NAB2: variants seen among roughly 807,000 people sequenced by gnomAD.
NAB2 encodes NGFI-A binding protein 2, also known as NGFI-A-binding protein 2.
NAB2 carries 9 observed loss-of-function variants against 44.2 expected under a neutral mutation model. The ratio of observed to expected loss-of-function variants is 0.20; its 90% CI spans 0.12 to 0.36. The LOEUF is 0.36. Among genes scored for constraint, NAB2 ranks in the 10% least tolerant of loss-of-function variants. NAB2 has a pLI of 1.00. For missense variants in NAB2, 514 were observed against 709.0 expected (o/e 0.73, Z 3.12); for synonymous variants, 342 against 291.0 (o/e 1.18, Z -1.78).
chr12:57,090,770 G>C (rs527677793), intron 1 of NAB2, among the ~76,000 whole-genome samples: 1 of 152,352 alleles, frequency 6.6e-6, no homozygotes, highest in South Asian at 2.1e-4. Flanking sequence ...GGGGGAGAGG[G>C]AGGTCCAGCC....
At position 57,094,627 on chromosome 12, in the gene NAB2, T is replaced by A; in HGVS notation, c.1484T>A (p.Leu495Gln). 1 of 1,553,576 alleles carries A rather than the reference T, an allele frequency of 6.4e-7. No individual in the cohort carries two copies. The highest frequency in any genetic ancestry group is 8.7e-7 in the Non-Finnish European group (1 of 1,148,002). ...KPPLAEFEEG[L>Q]LDRCPAPGPH... ...TTCCCTGCAGAGTTCGAGGAAGGGC[T>A]GCTGGACAGATGTCCTGCCCCAGGA... The change falls in exon 7 of 7, where the codon CTG becomes CAG. Residue 495 changes from leucine to glutamine, a missense_variant. Around this residue, in one of 5 missense-constraint regions of NAB2, gnomAD observed 194 missense variants for 223.9 expected, o/e 0.87. Coordinates refer to ENST00000300131, the MANE Select transcript of NAB2 (RefSeq NM_005967.4).
At chr12:57,092,754 C>G (rs1466595968) in intron 3 of NAB2, among the ~76,000 whole-genome samples, 163 bp from the exon 4 acceptor site, 1 of 152,158 alleles carries the variant, frequency 6.6e-6, no homozygotes, top group Non-Finnish European at 1.5e-5. Context: ...CATGTCGGGT[C>G]CCCCCAACCC....
Position 57,092,100 on chromosome 12 carries a change from T to G in NAB2, c.957+102T>G. On this transcript the variant is annotated intron_variant, in intron 2 of 6. Transcript: ENST00000300131. ...TCTCCGACTATCTTTCATTATCTCT[T>G]GACCAGGACCCCAGGCCCTGATCCC... is the stretch of plus-strand genomic sequence containing the variant. 2.7e-6 allele frequency: 4 copies of G among 1,474,276 alleles called. No homozygotes were observed. The South Asian group carries it at 5.6e-5, about 21-fold the overall frequency. 91.3% of individuals were successfully genotyped at this position (1,474,276 alleles called of 1,614,324 possible). A position where few individuals can be genotyped will look rare whatever the true frequency, so the allele number is the denominator to read the frequency against.
Position 57,091,988 on chromosome 12 carries a change from G to A in NAB2, c.947G>A (p.Ser316Asn), listed in dbSNP as rs770856125. ...DSKRREGKQL[S>N]LHELTINEAA... is the part of the protein sequence containing the mutation. ...AAGCGGCGGGAGGGCAAGCAGCTCA[G>A]CCTGCACGAGGTGAGAACCCCCAGG... is the stretch of plus-strand genomic sequence containing the variant. Residue 316 changes from serine (S) to asparagine (N), a missense_variant, in exon 2 of 7, where the codon AGC becomes AAC. Around this residue, in one of 5 missense-constraint regions of NAB2, gnomAD observed 53 missense variants for 108.5 expected, o/e 0.49. Coordinates refer to ENST00000300131, the MANE Select transcript of NAB2 (RefSeq NM_005967.4). This position sits in a 1 kb window ranked among gnomAD's most constrained non-coding sequence, Gnocchi z 7.3. 1 of 1,606,758 alleles carries A rather than the reference G, an allele frequency of 6.2e-7. No homozygotes were observed. The highest frequency in any genetic ancestry group is 8.5e-7 in the Non-Finnish European group (1 of 1,175,196).
Position 57,091,631 on chromosome 12 carries a change from C to T in NAB2, c.590C>T (p.Ala197Val), listed in dbSNP as rs148039313. 13 of 1,605,090 alleles carry T rather than the reference C, an allele frequency of 8.1e-6. No individual in the cohort carries two copies. The African/African-American group carries it at 1.7e-4, about 21-fold the overall frequency. ...GRSTPESDVG[A>V]GGEEEAGSPP... ...AGCACTCCAGAGTCGGACGTTGGGG[C>T]AGGAGGAGAAGAGGAGGCTGGCTCG... is the stretch of plus-strand genomic sequence containing the variant. The change falls in exon 2 of 7, where the codon GCA becomes GTA. Residue 197 changes from alanine to valine, a missense_variant. By Grantham distance (64) the Ala-to-Val change is moderately conservative. Around this residue, in one of 5 missense-constraint regions of NAB2, gnomAD observed 177 missense variants for 200.5 expected, o/e 0.88. Transcript: ENST00000300131. This position sits in a 1 kb window ranked among gnomAD's most constrained non-coding sequence, Gnocchi z 7.3.
In NAB2 at chr12:57,094,552, A is replaced by G. The variant is rs553355704; in HGVS notation, c.1469-60A>G. 20 of 1,388,450 alleles carry G rather than the reference A, an allele frequency of 1.4e-5. No homozygotes were observed. The African/African-American group carries it at 2.3e-4, about 16-fold the overall frequency. The allele number at this position is 1,388,450 out of a possible 1,614,324, so 86.0% of individuals were successfully genotyped here. A position where few individuals can be genotyped will look rare whatever the true frequency, so the allele number is the denominator to read the frequency against. On this transcript the variant is annotated intron_variant, in intron 6 of 6. Coordinates refer to ENST00000300131, the MANE Select transcript of NAB2 (RefSeq NM_005967.4). The stretch of plus-strand genomic sequence containing the variant: ...TTCTTTGCCCCTGCTTCTGTTCCCA[A>G]CCACCTCTGTCTGCAGCCAGTCACC...
In NAB2 at chr12:57,091,896, T is replaced by C. The variant is rs1476130345; in HGVS notation, c.855T>C (p.Asp285=). The change falls in exon 2 of 7, where the codon GAT becomes GAC. Residue 285 remains aspartate, a synonymous_variant. Transcript: ENST00000300131. This position sits in a 1 kb window ranked among gnomAD's most constrained non-coding sequence, Gnocchi z 7.3. ...ARSVGHIFEM[D]DNDSQKEEEI... Reference sequence around the variant, plus strand: ...GCGTTGGGCACATCTTTGAGATGGATGATAATGACAGCCAGAAGGAAGAGG... The same window carrying C: ...GCGTTGGGCACATCTTTGAGATGGACGATAATGACAGCCAGAAGGAAGAGG... 4.3e-6 allele frequency: 7 copies of C among 1,614,048 alleles called. No individual in the cohort carries two copies. Among genetic ancestry groups the C allele is most frequent in the African/African-American group, 4.0e-5 (3 of 74,904 alleles).
In NAB2 at chr12:57,095,378, G is replaced by A. The variant is rs1447525189; in HGVS notation, c.*657G>A. 1 of 152,928 alleles carries A rather than the reference G, an allele frequency of 6.5e-6. No homozygotes were observed. Among genetic ancestry groups the A allele is most frequent in the East Asian group, 1.9e-4 (1 of 5,202 alleles). 9.5% of individuals were successfully genotyped at this position (152,928 alleles called of 1,614,324 possible). A position where few individuals can be genotyped will look rare whatever the true frequency, so the allele number is the denominator to read the frequency against. On this transcript the variant is annotated 3_prime_UTR_variant, in exon 7 of 7. Coordinates refer to ENST00000300131, the MANE Select transcript of NAB2 (RefSeq NM_005967.4). The stretch of plus-strand genomic sequence containing the variant: ...TCCTCCAGCTGGGGGCTGGACCGCA[G>A]CACCTATCTGAGCAGTTAGAGCGTC...
At chr12:57,094,564 T>C in intron 6 of NAB2, 48 bp from the exon 7 acceptor site, 2 of 1,454,434 alleles carry the variant, frequency 1.4e-6, no homozygotes, top group Non-Finnish European at 1.9e-6. Context: ...CACCTCTGTC[T>C]GCAGCCAGTC....
intron 2 of NAB2, chr12:57,092,204 C>T (rs927256147): frequency 2.1e-5 from 22 of 1,067,308 alleles, no homozygotes; most frequent in East Asian, 1.6e-4. Context: ...CAGGCAGCAC[C>T]GAGCTGTTCA....
rs1357629436 is a variant in NAB2 at position 57,094,657 on chromosome 12, A to C, written c.1514A>C (p.His505Pro). Residue 505 changes from histidine (H) to proline (P), a missense_variant, in exon 7 of 7, where the codon CAT becomes CCT. By Grantham distance (77) the His-to-Pro change is moderately conservative (BLOSUM62 -2). Transcript: ENST00000300131. Reference protein sequence around the residue: ...LLDRCPAPGPHPALVEGRRSS... With the variant: ...LLDRCPAPGPPPALVEGRRSS... ...GACAGATGTCCTGCCCCAGGACCCC[A>C]TCCCGCGCTGGTGGAGGGTCGCAGG... The C allele has an allele frequency of 6.4e-7, 1 of 1,555,816 alleles. No individual in the cohort carries two copies. The highest frequency in any genetic ancestry group is 1.4e-5 in the African/African-American group (1 of 73,362).
In NAB2 at chr12:57,094,891, G is replaced by C; in HGVS notation, c.*170G>C. The C allele has an allele frequency of 1.6e-6, 1 of 616,790 alleles. No homozygotes were observed. The highest frequency in any genetic ancestry group is 2.8e-6 in the Non-Finnish European group (1 of 351,770). 38.2% of individuals were successfully genotyped at this position (616,790 alleles called of 1,614,324 possible). On this transcript the variant is annotated 3_prime_UTR_variant, in exon 7 of 7. Transcript: ENST00000300131. ...ACTGTGGGGCTTCAAGCAATAACAA[G>C]CAGAGGCCTGGAGAGAGGACACAAG... is the stretch of plus-strand genomic sequence containing the variant.
chr12:57,089,233 G>A lies in NAB2; in HGVS notation c.-39G>A, dbSNP rs2033115019. On this transcript the variant is annotated 5_prime_UTR_variant, in exon 1 of 7. Coordinates refer to ENST00000300131, the MANE Select transcript of NAB2 (RefSeq NM_005967.4). ...AGCACGCAGCAGGCGCCGAGCGCCG[G>A]GCACCGAGAAGGGCAGCCCGGGTGA... 6.4e-7 allele frequency: 1 copy of A among 1,551,472 alleles called. No homozygotes were observed. Among genetic ancestry groups the A allele is most frequent in the African/African-American group, 1.4e-5 (1 of 73,412 alleles).
Position 57,091,842 on chromosome 12 carries a change from G to A in NAB2, c.801G>A (p.Leu267=). ...GGGATGCTGGGGAGGTCACATCCCT[G>A]CTAAAGCTGAATAAGAAGCTGGCAC... ...PRGDAGEVTS[L]LKLNKKLARS... is the part of the protein sequence containing the mutation. Residue 267 remains leucine (L), a synonymous_variant, in exon 2 of 7, where the codon CTG becomes CTA. Coordinates refer to ENST00000300131, the MANE Select transcript of NAB2 (RefSeq NM_005967.4). The surrounding 1 kb of genome is among the most constrained non-coding windows in gnomAD (Gnocchi z 7.3). 2 of 1,614,206 alleles carry A rather than the reference G, an allele frequency of 1.2e-6. No individual in the cohort carries two copies. Among genetic ancestry groups the A allele is most frequent in the East Asian group, 2.2e-5 (1 of 44,892 alleles).
chr12:57,094,147 G>A (rs1423860256), intron 6 of NAB2, among the ~76,000 whole-genome samples: 1 of 151,786 alleles, frequency 6.6e-6, no homozygotes, highest in Non-Finnish European at 1.5e-5. Flanking sequence ...GACTGGAAGG[G>A]GGGCTCTTCT....
At position 57,091,031 on chromosome 12, in the gene NAB2, G is replaced by C; in HGVS notation, c.84-94G>C. ...ATCCAAATGAGGGAGGGGAAGAAAA[G>C]CAGGCAGGAAAGAGGGAACAATTGT... is the stretch of plus-strand genomic sequence containing the variant. On this transcript the variant is annotated intron_variant, in intron 1 of 6. Coordinates refer to ENST00000300131, the MANE Select transcript of NAB2 (RefSeq NM_005967.4). The surrounding 1 kb of genome is among the most constrained non-coding windows in gnomAD (Gnocchi z 7.3). 1 of 1,117,056 alleles carries C rather than the reference G, an allele frequency of 9.0e-7. No homozygotes were observed. The highest frequency in any genetic ancestry group is 1.3e-6 in the Non-Finnish European group (1 of 791,768). 69.2% of individuals were successfully genotyped at this position (1,117,056 alleles called of 1,614,324 possible).
chr12:57,089,746 G>GT (rs2033139549), intron 1 of NAB2, among the ~76,000 whole-genome samples: 1 of 151,958 alleles, frequency 6.6e-6, no homozygotes. Flanking sequence ...GGCCCCCGGT[G>GT]CCTTTGAGTT....
chr12:57,093,632 C>A, intron 6 of NAB2, 34 bp downstream of exon 6: 1 of 1,456,022 alleles, frequency 6.9e-7, no homozygotes, highest in Non-Finnish European at 9.1e-7. Flanking sequence ...CCCAAGCACC[C>A]CGGCCACTCA....
intron 6 of NAB2, 35 bp from the exon 7 acceptor site, chr12:57,094,577 C>T (rs1036919977): frequency 2.7e-6 from 4 of 1,489,054 alleles, no homozygotes; most frequent in African/African-American, 2.8e-5. Context: ...AGCCAGTCAC[C>T]CTGCAGTCTC....
Sources: allele counts gnomAD v4.1 joint callset (sites outside exome capture counted in the v4.1 genomes callset), GRCh38; gene constraint gnomAD v4.1.1; regional missense constraint gnomAD v4.1.1; non-coding constraint Gnocchi (gnomAD v3.1); transcripts MANE v1.5; gene names NCBI Gene and HGNC (gene_info 2026-07-23, HGNC 2026-07-21).